Variants in RBFOX1 observed in about 807,000 individuals in gnomAD.
RBFOX1 encodes RNA binding protein fox-1 homolog 1.
Under a neutral mutation model 57.7 loss-of-function variants are expected in RBFOX1, and 8 were observed. The observed-to-expected ratio is 0.14, with a 90% confidence interval of 0.08 to 0.25. The LOEUF is 0.25. Ranked by LOEUF, RBFOX1 falls within the 10% of genes least tolerant of loss-of-function variation. The pLI, the probability that RBFOX1 is intolerant of heterozygous loss-of-function variation, is 1.00. For missense variants in RBFOX1, 611 were observed against 548.5 expected, an observed-to-expected ratio of 1.11 and a Z score of -1.14; for synonymous variants, 326 against 222.4, an observed-to-expected ratio of 1.47 and a Z score of -4.15.
intron 3 of RBFOX1, among the ~76,000 whole-genome samples, chr16:6,838,878 C>G (rs151326857): frequency 1.6e-3 from 237 of 152,034 alleles, no homozygotes; most frequent in African/African-American, 5.2e-3. Flanking sequence ...AGAATCTCAC[C>G]CACAGAAAAA....
At chr16:6,736,830 G>T (rs1286867945) in intron 3 of RBFOX1, among the ~76,000 whole-genome samples, 1 of 152,154 alleles carries the variant, frequency 6.6e-6, no homozygotes, top group Non-Finnish European at 1.5e-5. Flanking sequence ...CTGAATTCCA[G>T]ATGTGGATAC....
chr16:5,481,358 A>G (rs2069534696), intron 2 of RBFOX1, among the ~76,000 whole-genome samples: 5 of 152,200 alleles, frequency 3.3e-5, no homozygotes, highest in Admixed American at 3.3e-4. Flanking sequence ...GGGAACTAAA[A>G]TAGGCTGCGC....
chr16:6,523,189 C>T (rs948614147), intron 2 of RBFOX1, among the ~76,000 whole-genome samples: 1 of 152,264 alleles, frequency 6.6e-6, no homozygotes, highest in Middle Eastern at 3.4e-3. Context: ...TCATCTCTCT[C>T]TTCTCAGCAT....
At chr16:6,360,850 T>G (rs753736856) in intron 2 of RBFOX1, among the ~76,000 whole-genome samples, 1 of 152,236 alleles carries the variant, frequency 6.6e-6, no homozygotes, top group Non-Finnish European at 1.5e-5. Flanking sequence ...CCTACAGTTG[T>G]TCAGTGTGTA....
chr16:5,302,410 G>T (rs2063828379), intron 1 of RBFOX1, among the ~76,000 whole-genome samples: 1 of 152,184 alleles, frequency 6.6e-6, no homozygotes, highest in African/African-American at 2.4e-5. Context: ...TGTGTATTCT[G>T]TAGTTTTTGG....
intron 3 of RBFOX1, among the ~76,000 whole-genome samples, chr16:6,681,175 G>A (rs2058595454): frequency 6.6e-6 from 1 of 152,118 alleles, no homozygotes; most frequent in Admixed American, 6.5e-5. Flanking sequence ...AGCCAGGCAT[G>A]ATGGCACGTG....
chr16:7,486,871 T>A (rs1401358749), intron 4 of RBFOX1, among the ~76,000 whole-genome samples: 1 of 152,194 alleles, frequency 6.6e-6, no homozygotes, highest in Non-Finnish European at 1.5e-5. Flanking sequence ...ACTCTGCAGT[T>A]AGTTCAAACA....
chr16:5,992,803 A>G lies in RBFOX1; in HGVS notation c.351+125468A>G, dbSNP rs113498037. ...ACAAAAATTAGCTGGGCATGGTGGC[A>G]GGTGCCTGTAATCCCAGCTATTCGG... On this transcript the variant is annotated intron_variant, in intron 4 of 19. Coordinates refer to the RBFOX1 transcript ENST00000641259. 1.1e-3 allele frequency among the ~76,000 whole-genome samples: 165 copies of G among 152,254 alleles called. 1 individual carries two copies. The highest frequency in any genetic ancestry group is 3.9e-3 in the African/African-American group (164 of 41,558).
intron 4 of RBFOX1, among the ~76,000 whole-genome samples, chr16:7,459,697 A>G (rs1010898694): frequency 9.8e-5 from 15 of 152,332 alleles, no homozygotes; most frequent in African/African-American, 2.6e-4. Flanking sequence ...TGGCATTTCA[A>G]AATATTGCTT....
rs553287738 is a variant in RBFOX1, at chr16:5,948,603, G to C, written c.351+81268G>C. Among the ~76,000 whole-genome samples, 178 of 152,304 alleles carry C rather than the reference G, an allele frequency of 1.2e-3. 1 individual carries two copies. The highest frequency in any genetic ancestry group is 4.1e-3 in the African/African-American group (170 of 41,568). On this transcript the variant is annotated intron_variant, in intron 4 of 19. Transcript: ENST00000641259. The stretch of plus-strand genomic sequence containing the variant: ...TGGAGACCTACAGGGAAGGCCGTGC[G>C]ATGGCAGAGGCAGAGATTTTAATGA...
intron 4 of RBFOX1, among the ~76,000 whole-genome samples, chr16:7,405,590 C>G (rs1258859387): frequency 2.0e-5 from 3 of 152,166 alleles, no homozygotes; most frequent in African/African-American, 4.8e-5. Context: ...CAAATAAACA[C>G]ATTTTTGATG....
chr16:6,365,032 G>A (rs2089314437), intron 2 of RBFOX1, among the ~76,000 whole-genome samples: 1 of 152,158 alleles, frequency 6.6e-6, no homozygotes, highest in Non-Finnish European at 1.5e-5. Flanking sequence ...GCATCTCACA[G>A]GGAGAGGTCT....
chr16:7,122,615 C>G (rs1399977396), intron 4 of RBFOX1, among the ~76,000 whole-genome samples: 1 of 152,144 alleles, frequency 6.6e-6, no homozygotes, highest in East Asian at 1.9e-4. Flanking sequence ...TCCTGTACTG[C>G]TGGTAGGAAC....
rs1419742433 is a variant in RBFOX1 at position 7,635,665 on chromosome 16, C to T, written c.757+4982C>T. ...TACATATATCAATCATATTTAGTTTCACATAATACATTGTGACCGTCTCCC... is the reference window on the plus strand; with the variant it reads ...TACATATATCAATCATATTTAGTTTTACATAATACATTGTGACCGTCTCCC... On this transcript the variant is annotated intron_variant, in intron 11 of 15. Transcript: ENST00000550418. 2.8e-5 allele frequency among the ~76,000 whole-genome samples: 4 copies of T among 143,488 alleles called. No homozygotes were observed. The South Asian group carries it at 6.5e-4, about 23-fold the overall frequency. The allele number at this position is 143,488 out of a possible 152,430, so 94.1% of individuals were successfully genotyped here.
intron 4 of RBFOX1, among the ~76,000 whole-genome samples, chr16:7,492,192 G>T (rs529764035): frequency 6.6e-6 from 1 of 152,284 alleles, no homozygotes; most frequent in East Asian, 1.9e-4. Flanking sequence ...ACCTAAGCAG[G>T]CATAAAATTC....
At chr16:6,883,488 T>A (rs1479920847) in intron 3 of RBFOX1, among the ~76,000 whole-genome samples, 1 of 152,226 alleles carries the variant, frequency 6.6e-6, no homozygotes, top group Admixed American at 6.5e-5. Context: ...TAGACACCCA[T>A]CTGCAAGAAT....
intron 14 of RBFOX1, among the ~76,000 whole-genome samples, chr16:7,688,092 C>T (rs766129142): frequency 6.6e-6 from 1 of 151,978 alleles, no homozygotes; most frequent in Non-Finnish European, 1.5e-5. Flanking sequence ...ACAGATATCC[C>T]AATACGTACA....
intron 2 of RBFOX1, among the ~76,000 whole-genome samples, chr16:5,520,027 C>T (rs554781058): frequency 1.1e-4 from 17 of 152,232 alleles, no homozygotes; most frequent in Admixed American, 3.3e-4. Context: ...AACTGATAAA[C>T]GTATAACTAA....
At chr16:7,256,702 C>G (rs1005260731) in intron 4 of RBFOX1, among the ~76,000 whole-genome samples, 4 of 152,178 alleles carry the variant, frequency 2.6e-5, no homozygotes, top group African/African-American at 9.7e-5. Flanking sequence ...CGCTCCCTGT[C>G]TCATTGAGAA....
Sources: allele counts gnomAD v4.1 joint callset (sites outside exome capture counted in the v4.1 genomes callset), GRCh38; gene constraint gnomAD v4.1.1; transcripts MANE v1.5; gene names NCBI Gene and HGNC (gene_info 2026-07-23, HGNC 2026-07-21).